Variants in KDM7A observed in about 807,000 individuals in gnomAD.
KDM7A encodes the protein lysine demethylase 7A, also known as lysine-specific demethylase 7A.
Under a neutral mutation model 114.8 loss-of-function variants are expected in KDM7A, and 28 were observed. That is an observed-to-expected ratio of 0.24 (90% CI 0.18 to 0.33). The LOEUF (loss-of-function observed/expected upper bound fraction) is 0.33, where lower values mean the gene tolerates loss of function less well. Among genes scored for constraint, KDM7A ranks in the 10% least tolerant of loss-of-function variants. The probability of loss-of-function intolerance (pLI) is 1.00; values close to 1 mark genes in which losing one functional copy is unlikely to be tolerated. For synonymous variants in KDM7A, 423 were observed against 397.8 expected, an observed-to-expected ratio of 1.06 and a Z score of -0.75; for missense variants, 942 against 1,142.5, an observed-to-expected ratio of 0.82 and a Z score of 2.53.
intron 1 of KDM7A, among the ~76,000 whole-genome samples, chr7:140,154,915 T>A (rs1794441867): frequency 6.6e-6 from 1 of 152,172 alleles, no homozygotes; most frequent in South Asian, 2.1e-4. Flanking sequence ...ATTAAAACAT[T>A]TTTAATGTTT....
In KDM7A at chr7:140,097,087, A is replaced by T. The variant is rs768767587; in HGVS notation, c.2017-40T>A. On this transcript the variant is annotated intron_variant, in intron 15 of 19. Coordinates refer to ENST00000397560, the MANE Select transcript of KDM7A (RefSeq NM_030647.2). ...ACATGGAAACAAAGCTACATAAGAA[A>T]TTGACCAAGTCTGTACAAATGAATC... The T allele has an allele frequency of 2.6e-6, 4 of 1,520,366 alleles. No individual in the cohort carries two copies. The South Asian group carries it at 3.5e-5, about 13-fold the overall frequency. 94.2% of individuals were successfully genotyped at this position (1,520,366 alleles called of 1,614,324 possible). A position where few individuals can be genotyped will look rare whatever the true frequency, so the allele number is the denominator to read the frequency against.
chr7:140,173,718 C>T (rs1794671253), intron 1 of KDM7A, among the ~76,000 whole-genome samples: 1 of 152,024 alleles, frequency 6.6e-6, no homozygotes, highest in Admixed American at 6.6e-5. Flanking sequence ...GGGGTCAATT[C>T]TCATGGAAGC....
chr7:140,114,528 C>T (rs1304022749), intron 9 of KDM7A, among the ~76,000 whole-genome samples: 1 of 152,192 alleles, frequency 6.6e-6, no homozygotes. Context: ...CAACCTCCAC[C>T]TCCCAGCCGC....
rs1429612487 is a variant in KDM7A at position 140,086,323 on chromosome 7, G to A, written c.*4771C>T. 6.6e-6 allele frequency: 1 copy of A among 152,154 alleles called. No homozygotes were observed. Among genetic ancestry groups the A allele is most frequent in the Non-Finnish European group, 1.5e-5 (1 of 68,024 alleles). 9.4% of individuals were successfully genotyped at this position (152,154 alleles called of 1,614,324 possible). Reference sequence around the variant, plus strand: ...AAGACAAAGTCTTAAGACACTAGAAGGGGCACCAGGGGGAAGGGGAGAACC... The same window carrying A: ...AAGACAAAGTCTTAAGACACTAGAAAGGGCACCAGGGGGAAGGGGAGAACC... On this transcript the variant is annotated 3_prime_UTR_variant, in exon 20 of 20. Coordinates refer to ENST00000397560, the MANE Select transcript of KDM7A (RefSeq NM_030647.2).
At chr7:140,150,552 G>A (rs990905917) in intron 1 of KDM7A, among the ~76,000 whole-genome samples, 2 of 152,198 alleles carry the variant, frequency 1.3e-5, no homozygotes, top group African/African-American at 4.8e-5. Context: ...GTGCGTAACA[G>A]TTTGTATGCG....
rs1283952377 is a variant in KDM7A at position 140,115,875 on chromosome 7, T to C, written c.1247-2293A>G. Among the ~76,000 whole-genome samples the C allele has an allele frequency of 2.6e-5, 3 of 116,260 alleles. No homozygotes were observed. The East Asian group carries it at 7.3e-4, about 28-fold the overall frequency. The allele number at this position is 116,260 out of a possible 152,430, so 76.3% of individuals were successfully genotyped here. A position where few individuals can be genotyped will look rare whatever the true frequency, so the allele number is the denominator to read the frequency against. ...GAAAAGTAAAAAAAAAAAATAAATG[T>C]CATACAATATTTTTATCATAAAAAA... On this transcript the variant is annotated intron_variant, in intron 9 of 19. Transcript: ENST00000397560.
At chr7:140,148,543 C>T (rs1196925731) in intron 1 of KDM7A, among the ~76,000 whole-genome samples, 1 of 152,108 alleles carries the variant, frequency 6.6e-6, no homozygotes, top group Non-Finnish European at 1.5e-5. Context: ...TCTTACGTTG[C>T]TAGCCAGTAA....
intron 1 of KDM7A, among the ~76,000 whole-genome samples, chr7:140,155,990 C>T (rs1314779069): frequency 6.6e-6 from 1 of 152,198 alleles, no homozygotes. Context: ...AAAGTGGTTG[C>T]TAGTTTTCTT....
chr7:140,116,513 G>C (rs1818532402), intron 9 of KDM7A, among the ~76,000 whole-genome samples: 1 of 152,154 alleles, frequency 6.6e-6, no homozygotes, highest in Non-Finnish European at 1.5e-5. Context: ...GTTATCTCTA[G>C]AAGGGAAGCG....
rs773512407 is a variant in KDM7A at position 140,090,012 on chromosome 7, A to G, written c.*1082T>C. ...CCCAACAAATCAGGTATGGAGCATA[A>G]AAGTATCATAAGGTATAACCTCTGC... On this transcript the variant is annotated 3_prime_UTR_variant, in exon 20 of 20. Transcript: ENST00000397560. 2.6e-5 allele frequency: 4 copies of G among 152,220 alleles called. No individual in the cohort carries two copies. Among genetic ancestry groups the G allele is most frequent in the Non-Finnish European group, 4.4e-5 (3 of 68,042 alleles). The allele number at this position is 152,220 out of a possible 1,614,324, so 9.4% of individuals were successfully genotyped here.
At position 140,143,639 on chromosome 7, in the gene KDM7A, TC is replaced by T. The variant is rs1176961593; in HGVS notation, c.195-4450del. 4.6e-5 allele frequency among the ~76,000 whole-genome samples: 7 copies of T among 152,160 alleles called. No homozygotes were observed. The East Asian group carries it at 1.3e-3, about 29-fold the overall frequency. On this transcript the variant is annotated intron_variant, in intron 1 of 19. Transcript: ENST00000397560. The stretch of plus-strand genomic sequence containing the variant: ...TATCAAAAGCAATAAATCAGAGACC[TC>T]CGGATATGCAAAAACAAGCCTACTC...
chr7:140,100,151 T>C, intron 12 of KDM7A, 128 bp from the exon 13 acceptor site: 2 of 915,216 alleles, frequency 2.2e-6, no homozygotes, highest in Non-Finnish European at 3.4e-6. Context: ...CCACCTGGGC[T>C]TGGGGATATG....
intron 6 of KDM7A, among the ~76,000 whole-genome samples, chr7:140,125,850 C>T (rs1238285747): frequency 1.3e-5 from 2 of 152,130 alleles, no homozygotes; most frequent in African/African-American, 4.8e-5. Context: ...ATCTTCCTGC[C>T]TCAGCCTCTT....
chr7:140,124,697 C>G lies in KDM7A; in HGVS notation c.975G>C (p.Glu325Asp). ...TATCCACCTTATCTCCAAAGAACACCTCACTCTGGGTCACAGATGAACTCC... is the reference window on the plus strand; with the variant it reads ...TATCCACCTTATCTCCAAAGAACACGTCACTCTGGGTCACAGATGAACTCC... ...ESWSSSVTQS[E>D]VFFGDKVDKC... The change falls in exon 7 of 20, where the codon GAG (glutamate) becomes GAC (aspartate). Residue 325 changes from glutamate (E) to aspartate (D), a missense_variant. By Grantham distance (45) the Glu-to-Asp change is conservative. This residue lies in a region of KDM7A where 318 missense variants were observed against 453.1 expected (regional missense o/e 0.70). Transcript: ENST00000397560. The G allele has an allele frequency of 6.2e-7, 1 of 1,613,336 alleles. No individual in the cohort carries two copies. The highest frequency in any genetic ancestry group is 1.1e-5 in the South Asian group (1 of 91,020).
intron 11 of KDM7A, among the ~76,000 whole-genome samples, chr7:140,103,129 C>A (rs1818260331): frequency 1.3e-5 from 2 of 152,016 alleles, no homozygotes; most frequent in Admixed American, 6.5e-5. Context: ...ATTTCCCATT[C>A]TCCCTTCCCG....
chr7:140,163,560 G>C (rs1035558917), intron 1 of KDM7A, among the ~76,000 whole-genome samples: 9 of 152,104 alleles, frequency 5.9e-5, no homozygotes, highest in African/African-American at 2.2e-4. Flanking sequence ...GGGATTACAG[G>C]TGTGAGCCAC....
chr7:140,155,786 T>C (rs777776578), intron 1 of KDM7A, among the ~76,000 whole-genome samples: 13 of 152,226 alleles, frequency 8.5e-5, no homozygotes, highest in Non-Finnish European at 1.3e-4. Context: ...CCGTGATACT[T>C]AGTCAACAAA....
chr7:140,084,838 ACT>A lies in KDM7A; in HGVS notation c.*6254_*6255del, dbSNP rs1380090113. On this transcript the variant is annotated 3_prime_UTR_variant, in exon 20 of 20. Transcript: ENST00000397560. ...TTCAAACAAAATGAGCAAAAAATAC[ACT>A]AAGTGCTAAAAAAATCAAAACAGAA... 2 of 152,332 alleles carry A rather than the reference ACT, an allele frequency of 1.3e-5. No individual in the cohort carries two copies. The highest frequency in any genetic ancestry group is 2.9e-5 in the Non-Finnish European group (2 of 68,042). 9.4% of individuals were successfully genotyped at this position (152,332 alleles called of 1,614,324 possible). A position where few individuals can be genotyped will look rare whatever the true frequency, so the allele number is the denominator to read the frequency against.
intron 7 of KDM7A, among the ~76,000 whole-genome samples, chr7:140,124,087 T>A (rs71543356): frequency 0.42 from 62,014 of 146,052 alleles, 13,183 homozygotes; most frequent in Middle Eastern, 0.48. Context: ...AAAAAAAAAG[T>A]AAGAAAATAA....
Sources: allele counts gnomAD v4.1 joint callset (sites outside exome capture counted in the v4.1 genomes callset), GRCh38; gene constraint gnomAD v4.1.1; regional missense constraint gnomAD v4.1.1; transcripts MANE v1.5; gene names NCBI Gene and HGNC (gene_info 2026-07-23, HGNC 2026-07-21).